RAB36: variants seen among roughly 807,000 people sequenced by gnomAD.
The protein encoded by RAB36 is RAB36, member RAS oncogene family, also known as ras-related protein Rab-36.
A neutral mutation model predicts 39.3 loss-of-function variants in RAB36; 33 were observed. That is an observed-to-expected ratio of 0.84 (90% CI 0.64 to 1.12). The LOEUF (loss-of-function observed/expected upper bound fraction) is 1.12. Ranked by LOEUF, RAB36 falls within the 50% of genes most tolerant of loss-of-function variation. The pLI, the probability that RAB36 is intolerant of heterozygous loss-of-function variation, is 0.00. For synonymous variants in RAB36, 133 were observed against 140.2 expected, an observed-to-expected ratio of 0.95 and a Z score of 0.36; for missense variants, 308 against 355.3, an observed-to-expected ratio of 0.87 and a Z score of 1.07.
At chr22:23,151,859 C>A (rs1357713104) in intron 3 of RAB36, among the ~76,000 whole-genome samples, 2 of 152,198 alleles carry the variant, frequency 1.3e-5, no homozygotes, top group Non-Finnish European at 2.9e-5. Flanking sequence ...CAAGCCACAG[C>A]CCGGATGCAT....
chr22:23,160,254 G>A (rs1036557930), intron 9 of RAB36, among the ~76,000 whole-genome samples: 2 of 152,212 alleles, frequency 1.3e-5, no homozygotes, highest in Non-Finnish European at 2.9e-5. Context: ...GAACTGCTCT[G>A]TGAGAACCCT....
chr22:23,146,760 C>T, intron 2 of RAB36, 75 bp downstream of exon 2: 1 of 1,561,496 alleles, frequency 6.4e-7, no homozygotes. Context: ...ACACTCATGC[C>T]TAGAAGTAAA....
rs1182167662 is a variant in RAB36, at chr22:23,162,921, T to A, written c.*1357T>A. The A allele has an allele frequency of 2.9e-6, 1 of 347,616 alleles. No individual in the cohort carries two copies. The highest frequency in any genetic ancestry group is 5.7e-6 in the Non-Finnish European group (1 of 176,390). The allele number at this position is 347,616 out of a possible 1,614,324, so 21.5% of individuals were successfully genotyped here. On this transcript the variant is annotated 3_prime_UTR_variant, in exon 11 of 11. Transcript: ENST00000263116. Reference sequence around the variant, plus strand: ...AGTTTTTTATATAAATGACTTTTTTTTTTTTTTGAGATGGAGTTTCACCCT... The same window carrying A: ...AGTTTTTTATATAAATGACTTTTTTATTTTTTTGAGATGGAGTTTCACCCT...
intron 6 of RAB36, among the ~76,000 whole-genome samples, 198 bp from the exon 7 acceptor site, chr22:23,157,794 G>A (rs1436628576): frequency 1.3e-5 from 2 of 152,186 alleles, no homozygotes; most frequent in Non-Finnish European, 2.9e-5. Context: ...CTGGGCTGCC[G>A]GGTGCAGGCT....
chr22:23,147,988 A>G (rs1392136519), intron 2 of RAB36, among the ~76,000 whole-genome samples: 1 of 152,232 alleles, frequency 6.6e-6, no homozygotes, highest in African/African-American at 2.4e-5. Context: ...GGCAGGATAT[A>G]TAAGCCCCTA....
At position 23,161,498 on chromosome 22, in the gene RAB36, A is replaced by G. The variant is rs2071799240; in HGVS notation, c.740-2A>G. 1 of 1,608,684 alleles carries G rather than the reference A, an allele frequency of 6.2e-7. No individual in the cohort carries two copies. ...GCTAAATTACTTCTCCCCTCCTTAC[A>G]GAAATGGAAGGGAGTCCGCCCGAGA... On this transcript the variant is annotated splice_acceptor_variant, in intron 10 of 10. Coordinates refer to ENST00000263116, the MANE Select transcript of RAB36 (RefSeq NM_004914.5). LOFTEE classifies it high-confidence loss of function.
intron 2 of RAB36, among the ~76,000 whole-genome samples, chr22:23,148,813 T>C (rs4822363): frequency 0.86 from 130,618 of 152,206 alleles, 56,571 homozygotes; most frequent in East Asian, 1. Flanking sequence ...AGCCAGTCCC[T>C]AGCTTAAAGC....
At chr22:23,151,238 G>A (rs557971097) in intron 3 of RAB36, among the ~76,000 whole-genome samples, 1 of 152,360 alleles carries the variant, frequency 6.6e-6, no homozygotes, top group Non-Finnish European at 1.5e-5. Flanking sequence ...GTTGGGGAAT[G>A]CTGGTGCCAT....
intron 4 of RAB36, 46 bp downstream of exon 4, chr22:23,152,572 G>T: frequency 2.5e-6 from 4 of 1,579,480 alleles, no homozygotes; most frequent in Non-Finnish European, 3.5e-6. Context: ...CCAGCACCAG[G>T]TTGTCATACC....
At chr22:23,148,371 C>A (rs988202752) in intron 2 of RAB36, among the ~76,000 whole-genome samples, 2 of 152,280 alleles carry the variant, frequency 1.3e-5, no homozygotes, top group South Asian at 4.1e-4. Context: ...TGGCACAAAA[C>A]AGTCCAGGTA....
intron 5 of RAB36, among the ~76,000 whole-genome samples, chr22:23,155,478 A>G (rs985188750): frequency 1.3e-5 from 2 of 152,198 alleles, no homozygotes; most frequent in Non-Finnish European, 2.9e-5. Flanking sequence ...AGTGTTAGGT[A>G]TCTCCAACTC....
At chr22:23,157,081 C>T (rs1414622316) in intron 6 of RAB36, among the ~76,000 whole-genome samples, 2 of 152,158 alleles carry the variant, frequency 1.3e-5, no homozygotes, top group Non-Finnish European at 2.9e-5. Flanking sequence ...CCCTCAGGAC[C>T]CCAACAGGAC....
intron 9 of RAB36, among the ~76,000 whole-genome samples, chr22:23,160,627 A>C (rs1489594490): frequency 2.0e-5 from 3 of 152,188 alleles, no homozygotes; most frequent in African/African-American, 7.2e-5. Flanking sequence ...GAGTGGCCCA[A>C]GCAGGCAGTG....
In RAB36 at chr22:23,158,541, G is replaced by A. The variant is rs376686008; in HGVS notation, c.447-357G>A. ...GAGCAAAGCCCTCTCACCTTACCTT[G>A]GTCTGGGGCATTCACACCCAGCAAC... On this transcript the variant is annotated intron_variant, in intron 7 of 10. Coordinates refer to ENST00000263116, the MANE Select transcript of RAB36 (RefSeq NM_004914.5). 5.9e-5 allele frequency among the ~76,000 whole-genome samples: 9 copies of A among 152,186 alleles called. No individual in the cohort carries two copies. In the East Asian group the frequency reaches 1.5e-3, roughly 26 times the overall value.
At chr22:23,145,819 G>A (rs1226080788) in intron 1 of RAB36, 3 of 339,852 alleles carry the variant, frequency 8.8e-6, no homozygotes, top group Non-Finnish European at 1.3e-5. Context: ...AGAGGAGTCC[G>A]GACAGAAAAA....
downstream of RAB36, among the ~76,000 whole-genome samples, chr22:23,166,605 G>A (rs942171889): frequency 1.3e-5 from 2 of 151,988 alleles, no homozygotes; most frequent in African/African-American, 2.4e-5. Context: ...TTCCCTTACC[G>A]TCCTGGTGGC....
chr22:23,159,762 C>G (rs1043839088), intron 9 of RAB36, among the ~76,000 whole-genome samples: 3 of 152,310 alleles, frequency 2.0e-5, no homozygotes, highest in Admixed American at 6.5e-5. Context: ...CATCCCTTCC[C>G]AGTATCACTG....
In RAB36 at chr22:23,153,027, C is replaced by A; in HGVS notation, c.228-6C>A. On this transcript the variant is annotated splice_region_variant and splice_polypyrimidine_tract_variant and intron_variant, in intron 4 of 10. Coordinates refer to ENST00000263116, the MANE Select transcript of RAB36 (RefSeq NM_004914.5). ...ACCCCTGTGACGACTTCCTCATCCC[C>A]CACAGGTTTTGCAAGAATGTTTTTG... 6.2e-7 allele frequency: 1 copy of A among 1,609,486 alleles called. No homozygotes were observed. The highest frequency in any genetic ancestry group is 8.5e-7 in the Non-Finnish European group (1 of 1,175,842).
downstream of RAB36, among the ~76,000 whole-genome samples, chr22:23,166,153 A>T (rs1298091776): frequency 3.1e-5 from 4 of 127,124 alleles, no homozygotes; most frequent in African/African-American, 1.6e-4. Context: ...CTTTTAAAAA[A>T]AAAAAAAAAA....
Sources: gnomAD v4.1 joint callset for allele counts (sites outside exome capture counted in the v4.1 genomes callset) on GRCh38, gnomAD v4.1.1 for gene constraint, MANE v1.5 for transcripts, NCBI Gene and HGNC (gene_info 2026-07-23, HGNC 2026-07-21) for gene names.